PUS7L: variants seen among roughly 807,000 people sequenced by gnomAD.
PUS7L encodes pseudouridine synthase 7 like, also known as pseudouridylate synthase PUS7L.
PUS7L carries 49 observed loss-of-function variants against 51.1 expected under a neutral mutation model. That is an observed-to-expected ratio of 0.96 (90% CI 0.76 to 1.22). PUS7L has a LOEUF of 1.22. PUS7L is among the 50% of genes most tolerant of loss of function. The pLI, the probability that PUS7L is intolerant of heterozygous loss-of-function variation, is 0.00. For synonymous variants in PUS7L, 277 were observed against 276.2 expected, an observed-to-expected ratio of 1.00 and a Z score of -0.03; for missense variants, 828 against 820.6, an observed-to-expected ratio of 1.01 and a Z score of -0.11.
In PUS7L at chr12:43,748,591, T is replaced by C; in HGVS notation, c.929A>G (p.Glu310Gly). 6.3e-7 allele frequency: 1 copy of C among 1,588,302 alleles called. No individual in the cohort carries two copies. The highest frequency in any genetic ancestry group is 8.5e-7 in the Non-Finnish European group (1 of 1,173,736). The change falls in exon 3 of 9, where the codon GAA becomes GGA. Residue 310 changes from glutamate to glycine, a missense_variant. By Grantham distance (98) the Glu-to-Gly change is moderately conservative (BLOSUM62 -2). Transcript: ENST00000344862. ...VIYTAFTLRK[E>G]NLEMFEAIGF... Reference sequence around the variant, plus strand: ...AATCGCTTCAAACATTTCCAGGTTTTCCTTTCGTAGGGTAAAAGCTGAAAC... The same window carrying C: ...AATCGCTTCAAACATTTCCAGGTTTCCCTTTCGTAGGGTAAAAGCTGAAAC...
Position 43,730,655 on chromosome 12 carries a change from T to C in PUS7L, c.1827A>G (p.Lys609=). Residue 609 remains lysine, a synonymous_variant, in exon 9 of 9, where the codon AAA becomes AAG. Coordinates refer to ENST00000344862, the MANE Select transcript of PUS7L (RefSeq NM_031292.5). ...GTATGTCATGGTACCACTGCCCTAC[T>C]TTGTTCTTCGGGTACTGAATATTGT... The part of the protein sequence containing the change: ...LGYNIQYPKN[K]VGQWYHDILS... 6.2e-7 allele frequency: 1 copy of C among 1,613,586 alleles called. No individual in the cohort carries two copies.
intron 7 of PUS7L, among the ~76,000 whole-genome samples, chr12:43,734,917 G>C (rs1944647390): frequency 2.0e-5 from 3 of 152,202 alleles, no homozygotes; most frequent in Admixed American, 6.5e-5. Flanking sequence ...TTATGATAAA[G>C]TTGGAGAATA....
At chr12:43,731,843 T>C (rs781671297) in intron 7 of PUS7L, 85 bp from the exon 8 acceptor site, 87 of 767,534 alleles carry the variant, frequency 1.1e-4, no homozygotes, top group Non-Finnish European at 1.8e-4. Flanking sequence ...CTCTATTATA[T>C]ATAAATCAGT....
rs1377348799 is a variant in PUS7L, at chr12:43,723,016, C to T, written c.*7360G>A. On this transcript the variant is annotated 3_prime_UTR_variant, in exon 9 of 9. Coordinates refer to ENST00000344862, the MANE Select transcript of PUS7L (RefSeq NM_031292.5). ...ACTCCATGGCTAAACTCCATCCTTG[C>T]AACAGGAGTTTTATTTCTACATTGG... 2 of 152,086 alleles carry T rather than the reference C, an allele frequency of 1.3e-5. No homozygotes were observed. Among genetic ancestry groups the T allele is most frequent in the Non-Finnish European group, 1.5e-5 (1 of 67,968 alleles). The allele number at this position is 152,086 out of a possible 1,614,324, so 9.4% of individuals were successfully genotyped here.
intron 7 of PUS7L, among the ~76,000 whole-genome samples, chr12:43,733,812 T>C (rs1944617329): frequency 6.6e-6 from 1 of 152,150 alleles, no homozygotes; most frequent in Admixed American, 6.5e-5. Flanking sequence ...ACTTAAATGC[T>C]ACTAGATTTC....
In PUS7L at chr12:43,720,541, T is replaced by G. The variant is rs985636914; in HGVS notation, c.*9835A>C. 2.6e-5 allele frequency: 4 copies of G among 152,214 alleles called. No individual in the cohort carries two copies. Among genetic ancestry groups the G allele is most frequent in the African/African-American group, 7.2e-5 (3 of 41,466 alleles). The allele number at this position is 152,214 out of a possible 1,614,324, so 9.4% of individuals were successfully genotyped here. A position where few individuals can be genotyped will look rare whatever the true frequency, so the allele number is the denominator to read the frequency against. Reference sequence around the variant, plus strand: ...TATATAGAGATTTTCCTGTTATCTTTTTGTTGTTCATTTCTAGCCTAATTG... The same window carrying G: ...TATATAGAGATTTTCCTGTTATCTTGTTGTTGTTCATTTCTAGCCTAATTG... On this transcript the variant is annotated 3_prime_UTR_variant, in exon 9 of 9. Coordinates refer to ENST00000344862, the MANE Select transcript of PUS7L (RefSeq NM_031292.5).
rs1307779518 is a variant in PUS7L at position 43,758,745 on chromosome 12, G to A, written c.-32C>T. Reference sequence around the variant, plus strand: ...CCCCGTCTACCTCGGTTCAGTGGAAGGCATTCATTTGCACAACGCTGTGCG... The same window carrying A: ...CCCCGTCTACCTCGGTTCAGTGGAAAGCATTCATTTGCACAACGCTGTGCG... On this transcript the variant is annotated 5_prime_UTR_variant, in exon 1 of 9. Coordinates refer to ENST00000344862, the MANE Select transcript of PUS7L (RefSeq NM_031292.5). The A allele has an allele frequency of 2.0e-6, 2 of 980,740 alleles. No homozygotes were observed. Among genetic ancestry groups the A allele is most frequent in the Admixed American group, 1.3e-4 (2 of 15,578 alleles). The allele number at this position is 980,740 out of a possible 1,614,324, so 60.8% of individuals were successfully genotyped here. A position where few individuals can be genotyped will look rare whatever the true frequency, so the allele number is the denominator to read the frequency against.
chr12:43,728,866 C>T lies in PUS7L; in HGVS notation c.*1510G>A, dbSNP rs1285389920. 5.3e-6 allele frequency: 1 copy of T among 186,978 alleles called. No homozygotes were observed. The highest frequency in any genetic ancestry group is 2.3e-5 in the African/African-American group (1 of 43,024). 11.6% of individuals were successfully genotyped at this position (186,978 alleles called of 1,614,324 possible). ...AGGCAATGTTAACATGCCCATTTTA[C>T]AGATGTTGAAACTGAAGCCCATGAG... is the stretch of plus-strand genomic sequence containing the variant. On this transcript the variant is annotated 3_prime_UTR_variant, in exon 9 of 9. Coordinates refer to ENST00000344862, the MANE Select transcript of PUS7L (RefSeq NM_031292.5).
chr12:43,748,051 A>G (rs532057123), intron 3 of PUS7L, among the ~76,000 whole-genome samples: 1 of 152,352 alleles, frequency 6.6e-6, no homozygotes, highest in East Asian at 1.9e-4. Flanking sequence ...AGTCTCTCAA[A>G]GTACTGTGAT....
At chr12:43,738,273 C>T (rs920165672) in intron 6 of PUS7L, 37 bp downstream of exon 6, 10 of 1,029,980 alleles carry the variant, frequency 9.7e-6, no homozygotes, top group Middle Eastern at 2.0e-4. Flanking sequence ...GTATCTGTAT[C>T]TGCATGGTTA....
Position 43,755,194 on chromosome 12 carries a change from T to A in PUS7L, c.52A>T (p.Asn18Tyr). 6.2e-7 allele frequency: 1 copy of A among 1,610,988 alleles called. No individual in the cohort carries two copies. Among genetic ancestry groups the A allele is most frequent in the Non-Finnish European group, 8.5e-7 (1 of 1,178,624 alleles). ...RIRFSSLCFF[N>Y]DHVGFHGTIK... ...GTGCCATGAAATCCAACGTGATCAT[T>A]AAAGAAACACAAAGAACTAAACCTG... The change falls in exon 2 of 9, where the codon AAT becomes TAT. Residue 18 changes from asparagine (N) to tyrosine (Y), a missense_variant. Coordinates refer to ENST00000344862, the MANE Select transcript of PUS7L (RefSeq NM_031292.5).
At chr12:43,756,529 G>A (rs1938707913) in intron 1 of PUS7L, among the ~76,000 whole-genome samples, 1 of 152,158 alleles carries the variant, frequency 6.6e-6, no homozygotes, top group Admixed American at 6.5e-5. Flanking sequence ...AGACAACTCT[G>A]CTTCATTCAC....
rs1944525492 is a variant in PUS7L, at chr12:43,730,502, GT to G, written c.1979del (p.Asp660AlafsTer19). 5 of 1,613,692 alleles carry G rather than the reference GT, an allele frequency of 3.1e-6. No homozygotes were observed. The highest frequency in any genetic ancestry group is 4.2e-6 in the Non-Finnish European group (5 of 1,179,790). The part of the protein sequence containing the change: ...NLSYQLMEDH[D>X]IDVKTKGSHI... ...GGGAACCTTTCGTTTTGACATCAAT[GT>G]CATGATCTTCCATTAGTTGGTATGA... On this transcript the variant is annotated frameshift_variant, in exon 9 of 9. Transcript: ENST00000344862. LOFTEE classifies it low-confidence loss of function (END_TRUNC).
At chr12:43,758,665 CCACACA>C (rs1170580148) in intron 1 of PUS7L, 59 bp downstream of exon 1, 31,158 of 542,622 alleles carry the variant, frequency 0.057, 1,601 homozygotes, top group East Asian at 0.12. Flanking sequence ...CCCCCCCCCC[CCACACA>C]CACACACACA....
At chr12:43,735,741 T>C (rs1465416988) in intron 7 of PUS7L, among the ~76,000 whole-genome samples, 2 of 152,112 alleles carry the variant, frequency 1.3e-5, no homozygotes, top group Non-Finnish European at 2.9e-5. Flanking sequence ...GGGAATCACA[T>C]TAGGATGCTA....
At chr12:43,746,362 A>C (rs1174962896) in intron 3 of PUS7L, 124 bp from the exon 4 acceptor site, 1 of 520,062 alleles carries the variant, frequency 1.9e-6, no homozygotes, top group Non-Finnish European at 3.3e-6. Flanking sequence ...ATTTTTTAAG[A>C]ATATTCTAAA....
chr12:43,731,770 A>T lies in PUS7L; in HGVS notation c.1726-12T>A. The T allele has an allele frequency of 6.6e-7, 1 of 1,520,348 alleles. No individual in the cohort carries two copies. Among genetic ancestry groups the T allele is most frequent in the Non-Finnish European group, 9.1e-7 (1 of 1,100,752 alleles). The allele number at this position is 1,520,348 out of a possible 1,614,324, so 94.2% of individuals were successfully genotyped here. Reference sequence around the variant, plus strand: ...GTTACCAGGTGAATCTAGTTTTAAAAAACATGAAAATATGAATGATTCCCA... The same window carrying T: ...GTTACCAGGTGAATCTAGTTTTAAATAACATGAAAATATGAATGATTCCCA... On this transcript the variant is annotated splice_polypyrimidine_tract_variant and intron_variant, in intron 7 of 8. Transcript: ENST00000344862.
intron 1 of PUS7L, chr12:43,758,403 A>G: frequency 1.0e-6 from 1 of 985,544 alleles, no homozygotes; most frequent in African/African-American, 1.7e-5. Flanking sequence ...GTGGTTGAGG[A>G]ATTCGTTGGC....
chr12:43,732,404 GC>G (rs1944578941), intron 7 of PUS7L, among the ~76,000 whole-genome samples: 1 of 151,788 alleles, frequency 6.6e-6, no homozygotes, highest in South Asian at 2.1e-4. Context: ...ACATGATGGT[GC>G]CACTGCACTC....
Sources: allele counts gnomAD v4.1 joint callset (sites outside exome capture counted in the v4.1 genomes callset), GRCh38; gene constraint gnomAD v4.1.1; transcripts MANE v1.5; gene names NCBI Gene and HGNC (gene_info 2026-07-23, HGNC 2026-07-21).